The following FSTL5 variants were observed in gnomAD, a reference collection of about 807,000 sequenced individuals.
The protein encoded by FSTL5 is follistatin-related protein 5.
FSTL5 carries 62 observed loss-of-function variants against 89.1 expected under a neutral mutation model. The ratio of observed to expected loss-of-function variants is 0.70; its 90% confidence interval spans 0.57 to 0.86. The LOEUF (loss-of-function observed/expected upper bound fraction) is 0.86, where lower values mean the gene tolerates loss of function less well. Ranked by LOEUF, FSTL5 falls within the 40% of genes least tolerant of loss-of-function variation. The pLI is 0.00. For synonymous variants in FSTL5, 383 were observed against 346.2 expected, an observed-to-expected ratio of 1.11 and a Z score of -1.18; for missense variants, 1,057 against 1,001.6, an observed-to-expected ratio of 1.06 and a Z score of -0.75.
chr4:161,779,474 T>C (rs1038998417), intron 4 of FSTL5, among the ~76,000 whole-genome samples: 4 of 151,826 alleles, frequency 2.6e-5, no homozygotes, highest in Admixed American at 6.6e-5. Flanking sequence ...TATTAAGCCA[T>C]TTTATACATA....
chr4:161,844,286 G>C (rs1731300910), intron 4 of FSTL5, among the ~76,000 whole-genome samples: 1 of 152,178 alleles, frequency 6.6e-6, no homozygotes, highest in Non-Finnish European at 1.5e-5. Context: ...GGAAACAACA[G>C]ATGCTGGAGA....
intron 2 of FSTL5, among the ~76,000 whole-genome samples, chr4:162,056,020 C>T (rs1738531322): frequency 6.6e-6 from 1 of 151,410 alleles, no homozygotes; most frequent in Non-Finnish European, 1.5e-5. Context: ...TTCTATATAA[C>T]CAAAGAGTAA....
chr4:161,433,840 T>G (rs1284154751), intron 15 of FSTL5, among the ~76,000 whole-genome samples: 1 of 151,872 alleles, frequency 6.6e-6, no homozygotes, highest in Admixed American at 6.6e-5. Flanking sequence ...ATCTAGGAAT[T>G]AATGAAAGAA....
chr4:161,478,044 C>T (rs1729355672), intron 13 of FSTL5, among the ~76,000 whole-genome samples: 1 of 152,012 alleles, frequency 6.6e-6, no homozygotes, highest in Non-Finnish European at 1.5e-5. Context: ...CATACACACA[C>T]ATAAACTCAC....
chr4:162,139,779 A>G (rs1216543397), intron 1 of FSTL5, among the ~76,000 whole-genome samples: 1 of 152,132 alleles, frequency 6.6e-6, no homozygotes, highest in Non-Finnish European at 1.5e-5. Flanking sequence ...ACAAGGAACA[A>G]AAGTCACACA....
chr4:161,646,070 G>A (rs1736144308), intron 7 of FSTL5, among the ~76,000 whole-genome samples: 2 of 150,522 alleles, frequency 1.3e-5, no homozygotes, highest in South Asian at 4.2e-4. Flanking sequence ...AAATTTTGCA[G>A]ATTAAATTAT....
Position 161,455,093 on chromosome 4 carries a change from G to A in FSTL5, c.1752C>T (p.His584=), listed in dbSNP as rs1477733242. ...TTCCCACTGGTTGGGTGTGGATCGT[G>A]TGGTGAGGCACATTCCCACTGGCCA... ...ITLASGNVPH[H]TIHTQPVGKQ... The change falls in exon 15 of 16, where the codon CAC becomes CAT. Residue 584 remains histidine, a synonymous_variant. Coordinates refer to ENST00000306100, the MANE Select transcript of FSTL5 (RefSeq NM_020116.5). 6.2e-7 allele frequency: 1 copy of A among 1,612,404 alleles called. No homozygotes were observed. Among genetic ancestry groups the A allele is most frequent in the Non-Finnish European group, 8.5e-7 (1 of 1,179,320 alleles).
At chr4:161,588,992 C>A (rs868179374) in intron 7 of FSTL5, among the ~76,000 whole-genome samples, 1 of 146,118 alleles carries the variant, frequency 6.8e-6, no homozygotes. Flanking sequence ...AGCCCTATCC[C>A]TAATGTTTTT....
At chr4:161,891,437 T>C (rs945184087) in intron 4 of FSTL5, among the ~76,000 whole-genome samples, 2 of 152,134 alleles carry the variant, frequency 1.3e-5, no homozygotes, top group Non-Finnish European at 2.9e-5. Flanking sequence ...CATAGTCTGG[T>C]AGAATAAACA....
intron 2 of FSTL5, among the ~76,000 whole-genome samples, chr4:162,072,368 T>C (rs1729662150): frequency 1.3e-5 from 2 of 151,664 alleles, no homozygotes; most frequent in Non-Finnish European, 2.9e-5. Context: ...TTCCAGACTA[T>C]AAAGGTGAAA....
intron 6 of FSTL5, among the ~76,000 whole-genome samples, chr4:161,737,863 C>A (rs1307987596): frequency 1.2e-4 from 18 of 151,936 alleles, no homozygotes; most frequent in Admixed American, 1.0e-3. Flanking sequence ...ATAAGATCTA[C>A]AACTTAAATT....
chr4:161,749,933 C>T (rs1740338258), intron 6 of FSTL5, among the ~76,000 whole-genome samples: 1 of 151,888 alleles, frequency 6.6e-6, no homozygotes, highest in African/African-American at 2.4e-5. Context: ...GTAACGGGTA[C>T]ATTAGAAGCC....
At chr4:161,563,337 T>C (rs1378972767) in intron 8 of FSTL5, among the ~76,000 whole-genome samples, 1 of 152,010 alleles carries the variant, frequency 6.6e-6, no homozygotes, top group Non-Finnish European at 1.5e-5. Context: ...CTTTATCGTA[T>C]GGCAATTCTA....
intron 5 of FSTL5, among the ~76,000 whole-genome samples, chr4:161,760,327 A>G (rs1169448160): frequency 6.6e-6 from 1 of 152,150 alleles, no homozygotes; most frequent in Non-Finnish European, 1.5e-5. Flanking sequence ...AGCTGTGACC[A>G]TGGTTTTTCA....
intron 8 of FSTL5, among the ~76,000 whole-genome samples, chr4:161,578,264 A>AT (rs1733303624): frequency 6.6e-6 from 1 of 152,240 alleles, no homozygotes; most frequent in African/African-American, 2.4e-5. Context: ...AGTAAGAATT[A>AT]TTTTTTAAAT....
chr4:161,632,441 A>G (rs1037367365), intron 7 of FSTL5, among the ~76,000 whole-genome samples: 4 of 152,202 alleles, frequency 2.6e-5, no homozygotes, highest in African/African-American at 9.7e-5. Flanking sequence ...CATGGGGGCA[A>G]TAATACATTT....
At chr4:161,985,936 T>C (rs1735952153) in intron 3 of FSTL5, among the ~76,000 whole-genome samples, 1 of 152,266 alleles carries the variant, frequency 6.6e-6, no homozygotes, top group South Asian at 2.1e-4. Context: ...TTTTCCTGAC[T>C]ACCTGACATA....
At chr4:161,647,126 A>T (rs1187090562) in intron 7 of FSTL5, among the ~76,000 whole-genome samples, 1 of 152,208 alleles carries the variant, frequency 6.6e-6, no homozygotes, top group East Asian at 1.9e-4. Context: ...GGAATTTTAC[A>T]GTGACAGGTC....
chr4:161,684,938 G>T (rs1579019383), intron 6 of FSTL5, among the ~76,000 whole-genome samples: 1 of 152,162 alleles, frequency 6.6e-6, no homozygotes, highest in African/African-American at 2.4e-5. Context: ...TAAGGTGAGA[G>T]ACGAAGATCC....
Sources: gnomAD v4.1 joint callset for allele counts (sites outside exome capture counted in the v4.1 genomes callset) on GRCh38, gnomAD v4.1.1 for gene constraint, MANE v1.5 for transcripts, NCBI Gene and HGNC (gene_info 2026-07-23, HGNC 2026-07-21) for gene names.